ZFPM2: variants seen among roughly 807,000 people sequenced by gnomAD.
ZFPM2 encodes zinc finger protein ZFPM2.
A neutral mutation model predicts 98.6 loss-of-function variants in ZFPM2; 20 were observed. That is an observed-to-expected ratio of 0.20 (90% CI 0.14 to 0.29). The LOEUF (loss-of-function observed/expected upper bound fraction) is 0.29, where lower values mean the gene tolerates loss of function less well. Ranked by LOEUF, ZFPM2 falls within the 10% of genes least tolerant of loss-of-function variation. ZFPM2 has a pLI of 1.00. For synonymous variants in ZFPM2, 518 were observed against 502.7 expected (o/e 1.03, Z -0.41); for missense variants, 1,310 against 1,388.6 (o/e 0.94, Z 0.90).
At chr8:105,378,245 A>T (rs1372570026) in intron 1 of ZFPM2, among the ~76,000 whole-genome samples, 1 of 152,170 alleles carries the variant, frequency 6.6e-6, no homozygotes, top group Non-Finnish European at 1.5e-5. Flanking sequence ...CTGGGGGTGA[A>T]CTAAGAATTA....
intron 5 of ZFPM2, among the ~76,000 whole-genome samples, chr8:105,735,274 G>C (rs1812041525): frequency 6.6e-6 from 1 of 151,224 alleles, no homozygotes; most frequent in South Asian, 2.1e-4. Flanking sequence ...ATATTAATAT[G>C]TGCCCTTTAT....
intron 5 of ZFPM2, among the ~76,000 whole-genome samples, chr8:105,752,872 T>C (rs1488614572): frequency 2.6e-5 from 4 of 152,064 alleles, no homozygotes; most frequent in Non-Finnish European, 5.9e-5. Flanking sequence ...AGAATTTCAT[T>C]AGGACACTGG....
intron 5 of ZFPM2, among the ~76,000 whole-genome samples, chr8:105,783,803 GTT>G (rs1813333945): frequency 6.6e-6 from 1 of 152,012 alleles, no homozygotes; most frequent in African/African-American, 2.4e-5. Context: ...ACTTCCATGG[GTT>G]GTTTCCATGT....
chr8:105,494,189 A>G (rs1437483975), intron 3 of ZFPM2, among the ~76,000 whole-genome samples: 4 of 51,128 alleles, frequency 7.8e-5, no homozygotes, highest in Non-Finnish European at 1.5e-4. Flanking sequence ...AAAAGTATAT[A>G]TATATATATA....
chr8:105,499,111 C>T (rs1342395275), intron 3 of ZFPM2, among the ~76,000 whole-genome samples: 2 of 152,074 alleles, frequency 1.3e-5, no homozygotes, highest in African/African-American at 4.8e-5. Context: ...CCCTTCCTCT[C>T]TCTGCTGGTG....
intron 5 of ZFPM2, among the ~76,000 whole-genome samples, chr8:105,694,261 C>T (rs1810964560): frequency 6.6e-6 from 1 of 152,086 alleles, no homozygotes; most frequent in Admixed American, 6.5e-5. Flanking sequence ...GCTGGGATTA[C>T]AGGCCTGAGC....
At chr8:105,576,056 G>A (rs370505735) in intron 4 of ZFPM2, among the ~76,000 whole-genome samples, 20 of 152,060 alleles carry the variant, frequency 1.3e-4, no homozygotes, top group Non-Finnish European at 2.9e-4. Flanking sequence ...CTTTAGAAAC[G>A]GATCTGCTAT....
At chr8:105,773,767 C>A (rs1377090956) in intron 5 of ZFPM2, among the ~76,000 whole-genome samples, 2 of 151,880 alleles carry the variant, frequency 1.3e-5, no homozygotes, top group Admixed American at 6.6e-5. Context: ...AGCCATTGAA[C>A]ATGGAAGTTT....
chr8:105,789,242 C>A (rs758159778), intron 6 of ZFPM2, among the ~76,000 whole-genome samples: 1 of 152,086 alleles, frequency 6.6e-6, no homozygotes, highest in East Asian at 1.9e-4. Context: ...CCGCTCCCCC[C>A]ACCCCACAAC....
chr8:105,501,357 G>T (rs1198836488), intron 3 of ZFPM2, among the ~76,000 whole-genome samples: 1 of 151,688 alleles, frequency 6.6e-6, no homozygotes, highest in Non-Finnish European at 1.5e-5. Flanking sequence ...TAATTTATTT[G>T]TATTTTTAGT....
At chr8:105,791,539 G>C (rs1002370488) in intron 6 of ZFPM2, among the ~76,000 whole-genome samples, 99 of 152,072 alleles carry the variant, frequency 6.5e-4, no homozygotes, top group Non-Finnish European at 1.2e-3. Context: ...AAGGATATTG[G>C]TCTAAAATTC....
intron 5 of ZFPM2, among the ~76,000 whole-genome samples, chr8:105,774,272 A>C (rs1450709467): frequency 5.9e-5 from 9 of 152,310 alleles, no homozygotes; most frequent in South Asian, 2.1e-4. Flanking sequence ...GATTGTAAAG[A>C]AAAATAATTA....
chr8:105,356,330 C>T (rs773447819), intron 1 of ZFPM2, among the ~76,000 whole-genome samples: 20 of 152,304 alleles, frequency 1.3e-4, no homozygotes, highest in South Asian at 8.3e-4. Flanking sequence ...TCTATGTTCC[C>T]ATCATCCATG....
intron 1 of ZFPM2, among the ~76,000 whole-genome samples, chr8:105,407,833 A>G (rs2130018395): frequency 6.6e-6 from 1 of 152,064 alleles, no homozygotes; most frequent in South Asian, 2.1e-4. Flanking sequence ...ATTCTGTTCA[A>G]TTGGAAAAGA....
At chr8:105,558,375 A>G (rs1815047516) in intron 3 of ZFPM2, among the ~76,000 whole-genome samples, 1 of 152,214 alleles carries the variant, frequency 6.6e-6, no homozygotes, top group African/African-American at 2.4e-5. Flanking sequence ...CAAGCAAGAA[A>G]GGAGACTGGG....
chr8:105,643,376 G>T (rs1226297919), intron 5 of ZFPM2, among the ~76,000 whole-genome samples: 1 of 151,962 alleles, frequency 6.6e-6, no homozygotes, highest in Non-Finnish European at 1.5e-5. Flanking sequence ...GATTCCATGG[G>T]TCTGTCATTC....
chr8:105,585,890 GA>G (rs1815701269), intron 4 of ZFPM2, among the ~76,000 whole-genome samples: 1 of 151,786 alleles, frequency 6.6e-6, no homozygotes, highest in Non-Finnish European at 1.5e-5. Flanking sequence ...ATTTTAGGAT[GA>G]AAAAATAGAA....
intron 1 of ZFPM2, among the ~76,000 whole-genome samples, chr8:105,345,454 C>G (rs906605602): frequency 8.6e-5 from 9 of 104,212 alleles, no homozygotes; most frequent in Non-Finnish European, 1.6e-4. Flanking sequence ...TTTTTTAAGT[C>G]CTGTGTTTCT....
At chr8:105,413,534 A>C (rs1811621417) in intron 1 of ZFPM2, among the ~76,000 whole-genome samples, 1 of 149,678 alleles carries the variant, frequency 6.7e-6, no homozygotes, top group Admixed American at 6.7e-5. Context: ...ATATATATAT[A>C]TCTCGTGTTT....
Sources: gnomAD v4.1 joint callset for allele counts (sites outside exome capture counted in the v4.1 genomes callset) on GRCh38, gnomAD v4.1.1 for gene constraint, MANE v1.5 for transcripts, NCBI Gene and HGNC (gene_info 2026-07-23, HGNC 2026-07-21) for gene names.